The following AFG2A variants were observed in gnomAD, a reference collection of about 807,000 sequenced individuals.
AFG2A encodes ATPase family gene 2 protein homolog A.
At chr4:123,047,359 A>T in the AFG2A span, among the ~76,000 whole-genome samples, 1 of 56,388 alleles carries the variant, frequency 1.8e-5, no homozygotes, top group South Asian at 4.1e-4. Flanking sequence ...GATGTCGAAC[A>T]TTTTTTCATA....
At chr4:123,310,027 C>T in the AFG2A span, among the ~76,000 whole-genome samples, 1 of 152,204 alleles carries the variant, frequency 6.6e-6, no homozygotes, top group South Asian at 2.1e-4. Context: ...CAAATAGAAA[C>T]CAGCCATCAT....
At chr4:122,991,518 A>C in the AFG2A span, among the ~76,000 whole-genome samples, 3 of 152,320 alleles carry the variant, frequency 2.0e-5, no homozygotes, top group Non-Finnish European at 4.4e-5. Context: ...TAACTCTCAG[A>C]ACTGTCAGAA....
the AFG2A span, among the ~76,000 whole-genome samples, chr4:123,073,869 T>C: frequency 6.6e-6 from 1 of 152,188 alleles, no homozygotes; most frequent in Non-Finnish European, 1.5e-5. Flanking sequence ...ATAATTCATA[T>C]TTAGGACTCA....
the AFG2A span, among the ~76,000 whole-genome samples, chr4:123,007,546 ATGTATGTGTGTGTGTGTGTATATGTGTG>A: frequency 9.9e-6 from 1 of 101,216 alleles, no homozygotes; most frequent in Non-Finnish European, 2.1e-5. Flanking sequence ...ATATATGTGT[ATGTATGTGTGTGTGTGTGTATATGTGTG>A]TGTGTGTGTG....
chr4:123,138,494 G>T, the AFG2A span, among the ~76,000 whole-genome samples: 138,172 of 152,222 alleles, frequency 0.91, 62,951 homozygotes, highest in East Asian at 0.98. Flanking sequence ...GCTCTTAAAT[G>T]TATTCCAGAA....
At chr4:123,201,647 G>A in the AFG2A span, among the ~76,000 whole-genome samples, 7 of 152,286 alleles carry the variant, frequency 4.6e-5, no homozygotes, top group African/African-American at 7.2e-5. Context: ...GGCCAGGCAC[G>A]GTGGCTCATG....
chr4:123,088,900 C>T, the AFG2A span, among the ~76,000 whole-genome samples: 2 of 152,090 alleles, frequency 1.3e-5, no homozygotes, highest in African/African-American at 2.4e-5. Flanking sequence ...AGTGTGAGAA[C>T]GGTCTAATAC....
chr4:123,236,220 C>T, the AFG2A span, among the ~76,000 whole-genome samples: 1 of 152,146 alleles, frequency 6.6e-6, no homozygotes, highest in African/African-American at 2.4e-5. Context: ...CATTCAAGAA[C>T]CTTTAGGTAA....
the AFG2A span, among the ~76,000 whole-genome samples, chr4:122,995,240 A>G: frequency 6.6e-6 from 1 of 152,094 alleles, no homozygotes; most frequent in Non-Finnish European, 1.5e-5. Context: ...TTTTTTTGGA[A>G]TAAATAGTAT....
chr4:123,068,782 G>A, the AFG2A span, among the ~76,000 whole-genome samples: 1 of 152,092 alleles, frequency 6.6e-6, no homozygotes, highest in Non-Finnish European at 1.5e-5. Context: ...TAGAGATTAT[G>A]ATCACTCCAC....
chr4:123,002,446 T>C, the AFG2A span, among the ~76,000 whole-genome samples: 1 of 152,324 alleles, frequency 6.6e-6, no homozygotes, highest in Non-Finnish European at 1.5e-5. Context: ...CTGGTACCGG[T>C]TGTGCCTTTC....
the AFG2A span, among the ~76,000 whole-genome samples, chr4:123,284,073 A>G: frequency 6.6e-6 from 1 of 152,010 alleles, no homozygotes; most frequent in African/African-American, 2.4e-5. Context: ...ATACATTTTA[A>G]TTTTCCTTTG....
At chr4:123,242,514 A>C in the AFG2A span, among the ~76,000 whole-genome samples, 1 of 152,244 alleles carries the variant, frequency 6.6e-6, no homozygotes, top group Non-Finnish European at 1.5e-5. Flanking sequence ...TTCCCTATTT[A>C]ATACATGGTG....
the AFG2A span, among the ~76,000 whole-genome samples, chr4:123,221,412 C>T: frequency 6.6e-6 from 1 of 152,274 alleles, no homozygotes; most frequent in South Asian, 2.1e-4. Flanking sequence ...ATCTTCCTCC[C>T]TCAGCCTCCC....
At chr4:122,982,076 T>C in the AFG2A span, among the ~76,000 whole-genome samples, 1 of 152,170 alleles carries the variant, frequency 6.6e-6, no homozygotes, top group Non-Finnish European at 1.5e-5. Context: ...TTTGTCTTGC[T>C]CTTCATCTTA....
the AFG2A span, among the ~76,000 whole-genome samples, chr4:122,962,419 C>T: frequency 6.6e-6 from 1 of 152,062 alleles, no homozygotes; most frequent in Admixed American, 6.5e-5. Context: ...GGGATTTGTC[C>T]TACTGTGTAA....
At chr4:123,204,874 C>T in the AFG2A span, among the ~76,000 whole-genome samples, 2 of 152,104 alleles carry the variant, frequency 1.3e-5, no homozygotes, top group Non-Finnish European at 2.9e-5. Context: ...GTTTTGAAGT[C>T]CAAGAATGTT....
At chr4:123,161,615 A>G in the AFG2A span, among the ~76,000 whole-genome samples, 1 of 152,186 alleles carries the variant, frequency 6.6e-6, no homozygotes, top group African/African-American at 2.4e-5. Flanking sequence ...AGAGCTAGGC[A>G]AGGAAGTTGA....
At chr4:123,310,176 A>G in the AFG2A span, among the ~76,000 whole-genome samples, 1 of 152,224 alleles carries the variant, frequency 6.6e-6, no homozygotes, top group Non-Finnish European at 1.5e-5. Context: ...TAAAAACAAA[A>G]GGAACTTTTA....
Sources: gnomAD v4.1 joint callset for allele counts (sites outside exome capture counted in the v4.1 genomes callset) on GRCh38, gnomAD v4.1.1 for gene constraint, MANE v1.5 for transcripts, NCBI Gene and HGNC (gene_info 2026-07-23, HGNC 2026-07-21) for gene names.